CFAP61: variants seen among roughly 807,000 people sequenced by gnomAD.
CFAP61 encodes cilia- and flagella-associated protein 61.
Under a neutral mutation model 135.6 loss-of-function variants are expected in CFAP61, and 107 were observed. The observed-to-expected ratio is 0.79, with a 90% CI of 0.67 to 0.93. The LOEUF is 0.93. Ranked by LOEUF, CFAP61 falls within the 40% of genes least tolerant of loss-of-function variation. The probability of loss-of-function intolerance (pLI) is 0.00; values close to 1 mark genes in which losing one functional copy is unlikely to be tolerated. For missense variants in CFAP61, 1,507 were observed against 1,556.2 expected, an observed-to-expected ratio of 0.97 and a Z score of 0.53; for synonymous variants, 575 against 578.5, an observed-to-expected ratio of 0.99 and a Z score of 0.09.
intron 14 of CFAP61, 92 bp from the exon 15 acceptor site, chr20:20,191,250 T>C (rs978142172): frequency 2.1e-5 from 21 of 988,734 alleles, no homozygotes; most frequent in Admixed American, 1.1e-4. Context: ...TCTGTTGTTA[T>C]GTGAACGTGG....
intron 8 of CFAP61, among the ~76,000 whole-genome samples, chr20:20,110,082 A>G (rs1191503486): frequency 6.6e-6 from 1 of 151,624 alleles, no homozygotes; most frequent in Non-Finnish European, 1.5e-5. Flanking sequence ...AATTTTTGGT[A>G]TTTTTAGTAG....
chr20:20,084,356 G>C, intron 6 of CFAP61, among the ~76,000 whole-genome samples: 1 of 152,152 alleles, frequency 6.6e-6, no homozygotes, highest in East Asian at 1.9e-4. Context: ...AATATCATCA[G>C]ACAGGAATGA....
At position 20,341,023 on chromosome 20, in the gene CFAP61, G is replaced by C. The variant is rs140786130; in HGVS notation, c.3423-808G>C. On this transcript the variant is annotated intron_variant, in intron 25 of 26. Coordinates refer to ENST00000245957, the MANE Select transcript of CFAP61 (RefSeq NM_015585.4). ...GAAAACGGAAGGTGCCCATTCACGT[G>C]GGGGCACCAGGTTTTTCCTTCCCCT... is the stretch of plus-strand genomic sequence containing the variant. Among the ~76,000 whole-genome samples the C allele has an allele frequency of 3.9e-5, 6 of 152,164 alleles. No individual in the cohort carries two copies. The East Asian group carries it at 7.7e-4, about 20-fold the overall frequency.
At chr20:20,350,486 G>A (rs6046809) in intron 26 of CFAP61, among the ~76,000 whole-genome samples, 40,574 of 151,982 alleles carry the variant, frequency 0.27, 5,927 homozygotes, top group Admixed American at 0.35. Flanking sequence ...AAAATTAGCC[G>A]GACGTGATAG....
At chr20:20,343,911 G>A (rs984587425) in intron 26 of CFAP61, among the ~76,000 whole-genome samples, 2 of 152,170 alleles carry the variant, frequency 1.3e-5, no homozygotes, top group African/African-American at 2.4e-5. Flanking sequence ...ATTTGCTGTG[G>A]ACCCATTTAT....
At chr20:20,056,164 T>A (rs1422605680) in intron 1 of CFAP61, 3 of 596,692 alleles carry the variant, frequency 5.0e-6, no homozygotes, top group Non-Finnish European at 8.7e-6. Context: ...ACCACAGAAC[T>A]TTTTTGGTCT....
chr20:20,116,367 C>G (rs2049140410), intron 8 of CFAP61, among the ~76,000 whole-genome samples: 1 of 152,280 alleles, frequency 6.6e-6, no homozygotes, highest in African/African-American at 2.4e-5. Context: ...TAATTTCTCC[C>G]ATCCTGTGGA....
In CFAP61 at chr20:20,215,613, A is replaced by T. The variant is rs141368783; in HGVS notation, c.1933-12636A>T. ...TTAAAATAGTTTAATTGCAATCATC[A>T]CTGACTAATCCATTAAGGATTTTAA... On this transcript the variant is annotated intron_variant, in intron 17 of 26. Transcript: ENST00000245957. Among the ~76,000 whole-genome samples, 281 of 152,308 alleles carry T rather than the reference A, an allele frequency of 1.8e-3. 4 individuals are homozygous for T. The highest frequency in any genetic ancestry group is 0.015 in the East Asian group (79 of 5,182).
At chr20:20,122,584 G>A (rs1325736497) in intron 8 of CFAP61, among the ~76,000 whole-genome samples, 2 of 152,180 alleles carry the variant, frequency 1.3e-5, no homozygotes, top group African/African-American at 4.8e-5. Flanking sequence ...CCAGGTAGCT[G>A]CAAATGCTGT....
chr20:20,344,580 T>C (rs1171321789), intron 26 of CFAP61, among the ~76,000 whole-genome samples: 1 of 152,352 alleles, frequency 6.6e-6, no homozygotes, highest in South Asian at 2.1e-4. Context: ...CAATGGCTTT[T>C]ATCCAAAAGA....
intron 21 of CFAP61, among the ~76,000 whole-genome samples, chr20:20,269,225 A>G (rs13045167): frequency 0.043 from 5,739 of 131,962 alleles, 443 homozygotes; most frequent in Non-Finnish European, 0.062. Context: ...ATATATACAT[A>G]TATGTATATA....
At chr20:20,118,273 C>CTTTCTTTCTTTA (rs1568941195) in intron 8 of CFAP61, among the ~76,000 whole-genome samples, 1 of 131,246 alleles carries the variant, frequency 7.6e-6, no homozygotes, top group Non-Finnish European at 1.7e-5. Flanking sequence ...TTCTTTCTTT[C>CTTTCTTTCTTTA]TTTCTTTCTT....
At chr20:20,346,385 G>A (rs2058636725) in intron 26 of CFAP61, among the ~76,000 whole-genome samples, 2 of 151,414 alleles carry the variant, frequency 1.3e-5, no homozygotes, top group South Asian at 2.1e-4. Flanking sequence ...GGGCATGGTG[G>A]TGGGCGGCTG....
At chr20:20,306,643 A>G (rs117004874) in intron 25 of CFAP61, among the ~76,000 whole-genome samples, 4,445 of 152,090 alleles carry the variant, frequency 0.029, 92 homozygotes, top group Non-Finnish European at 0.043. Flanking sequence ...TGAGGGTGGG[A>G]GCCCATGTCT....
chr20:20,348,578 C>A (rs1006561408), intron 26 of CFAP61, among the ~76,000 whole-genome samples: 2 of 150,936 alleles, frequency 1.3e-5, no homozygotes, highest in South Asian at 2.1e-4. Flanking sequence ...TAATCTTAGC[C>A]ACTCACAAGG....
At chr20:20,181,195 G>GTA (rs1193211410) in intron 13 of CFAP61, among the ~76,000 whole-genome samples, 1 of 133,262 alleles carries the variant, frequency 7.5e-6, no homozygotes, top group Non-Finnish European at 1.6e-5. Flanking sequence ...GCATATATAT[G>GTA]TATATATATG....
At position 20,191,345 on chromosome 20, in the gene CFAP61, G is replaced by A. The variant is rs759244056; in HGVS notation, c.1516G>A (p.Gly506Arg). The A allele has an allele frequency of 6.2e-7, 1 of 1,612,384 alleles. No individual in the cohort carries two copies. ...AAATATATGCTTATCTTTTCAGGAT[G>A]GAACACTGCTGCAGGCATTTGTAGC... Reference protein sequence around the residue: ...RYNKARKDPDGTLLQAFVAEV... With the variant: ...RYNKARKDPDRTLLQAFVAEV... The change falls in exon 15 of 27, where the codon GGA becomes AGA. Residue 506 changes from glycine to arginine, a missense_variant. Coordinates refer to ENST00000245957, the MANE Select transcript of CFAP61 (RefSeq NM_015585.4).
At chr20:20,219,327 C>CA (rs2048246406) in intron 17 of CFAP61, among the ~76,000 whole-genome samples, 1 of 152,090 alleles carries the variant, frequency 6.6e-6, no homozygotes, top group Non-Finnish European at 1.5e-5. Flanking sequence ...GATTTTATCC[C>CA]AAAATTTTTT....
intron 25 of CFAP61, among the ~76,000 whole-genome samples, chr20:20,312,088 A>G (rs2056866915): frequency 6.6e-6 from 1 of 152,206 alleles, no homozygotes; most frequent in Non-Finnish European, 1.5e-5. Context: ...AATACTGAAA[A>G]TTTCCACACC....
Sources: gnomAD v4.1 joint callset for allele counts (sites outside exome capture counted in the v4.1 genomes callset) on GRCh38, gnomAD v4.1.1 for gene constraint, MANE v1.5 for transcripts, NCBI Gene and HGNC (gene_info 2026-07-23, HGNC 2026-07-21) for gene names.